KCNIP4: variants seen among roughly 807,000 people sequenced by gnomAD.
The protein encoded by KCNIP4 is potassium voltage-gated channel interacting protein 4.
KCNIP4 carries 12 observed loss-of-function variants against 34.0 expected under a neutral mutation model. That is an observed-to-expected ratio of 0.35 (90% CI 0.23 to 0.57). KCNIP4 has a LOEUF of 0.57. Among genes scored for constraint, KCNIP4 ranks in the 20% least tolerant of loss-of-function variants. KCNIP4 has a pLI of 0.83. For synonymous variants in KCNIP4, 124 were observed against 102.2 expected, an observed-to-expected ratio of 1.21 and a Z score of -1.29; for missense variants, 238 against 311.7, an observed-to-expected ratio of 0.76 and a Z score of 1.78.
At chr4:21,225,761 G>T (rs1205117461) in intron 1 of KCNIP4, among the ~76,000 whole-genome samples, 1 of 152,126 alleles carries the variant, frequency 6.6e-6, no homozygotes, top group African/African-American at 2.4e-5. Context: ...AATGGAGCCA[G>T]ACTGGGGAAA....
chr4:20,890,570 A>G (rs527752221), intron 1 of KCNIP4, among the ~76,000 whole-genome samples: 1 of 152,220 alleles, frequency 6.6e-6, no homozygotes, highest in Admixed American at 6.5e-5. Context: ...TGCTACCTAC[A>G]ATGGGCAGAT....
intron 1 of KCNIP4, among the ~76,000 whole-genome samples, chr4:21,525,494 T>TA (rs922016244): frequency 6.6e-6 from 1 of 152,114 alleles, no homozygotes; most frequent in African/African-American, 2.4e-5. Flanking sequence ...CCAACCCCCA[T>TA]AAAAATATTT....
intron 1 of KCNIP4, among the ~76,000 whole-genome samples, chr4:21,121,920 A>G (rs1386196914): frequency 6.6e-6 from 1 of 152,234 alleles, no homozygotes; most frequent in Non-Finnish European, 1.5e-5. Context: ...GGCAATGGCC[A>G]TCTTTTGAAC....
intron 1 of KCNIP4, among the ~76,000 whole-genome samples, chr4:21,806,463 A>C (rs1578013815): frequency 6.6e-6 from 1 of 152,230 alleles, no homozygotes; most frequent in Non-Finnish European, 1.5e-5. Flanking sequence ...ATTTGTCACC[A>C]AGGCCAGCAA....
intron 1 of KCNIP4, among the ~76,000 whole-genome samples, chr4:21,340,744 G>T (rs546227959): frequency 3.6e-4 from 55 of 152,170 alleles, no homozygotes; most frequent in Non-Finnish European, 5.6e-4. Context: ...CAAGGCTGCA[G>T]TTTAGTGTGA....
chr4:21,592,030 TG>T (rs1304146375), intron 1 of KCNIP4, among the ~76,000 whole-genome samples: 1 of 151,978 alleles, frequency 6.6e-6, no homozygotes, highest in Non-Finnish European at 1.5e-5. Flanking sequence ...GAGACCAAAG[TG>T]ATAGAGGGAT....
At chr4:21,641,508 G>A (rs1381290243) in intron 1 of KCNIP4, among the ~76,000 whole-genome samples, 2 of 152,166 alleles carry the variant, frequency 1.3e-5, no homozygotes, top group African/African-American at 2.4e-5. Flanking sequence ...GGCCAATGAT[G>A]GTTTCTCTGG....
chr4:21,086,507 A>G (rs1300840919), intron 1 of KCNIP4, among the ~76,000 whole-genome samples: 1 of 152,194 alleles, frequency 6.6e-6, no homozygotes, highest in East Asian at 1.9e-4. Flanking sequence ...TATATGATAC[A>G]TAATCACCAC....
intron 1 of KCNIP4, among the ~76,000 whole-genome samples, chr4:21,750,450 A>G (rs1328717813): frequency 6.6e-6 from 1 of 152,158 alleles, no homozygotes; most frequent in East Asian, 1.9e-4. Flanking sequence ...GTTCCCTCAA[A>G]TATGCCTCCG....
intron 3 of KCNIP4, among the ~76,000 whole-genome samples, chr4:20,837,151 G>A (rs772862619): frequency 2.6e-5 from 4 of 152,128 alleles, no homozygotes; most frequent in African/African-American, 7.2e-5. Flanking sequence ...TTTTATGGGA[G>A]TTAGAATATC....
At chr4:21,377,285 T>C (rs947874111) in intron 1 of KCNIP4, among the ~76,000 whole-genome samples, 26 of 152,142 alleles carry the variant, frequency 1.7e-4, no homozygotes, top group African/African-American at 6.0e-4. Context: ...ATTCAAATGG[T>C]CTCTCCTGCC....
In KCNIP4 at chr4:20,854,840, T is replaced by C. The variant is rs575331409; in HGVS notation, c.164-4173A>G. Among the ~76,000 whole-genome samples, 5 of 152,288 alleles carry C rather than the reference T, an allele frequency of 3.3e-5. No individual in the cohort carries two copies. In the East Asian group the frequency reaches 9.6e-4, roughly 29 times the overall value. On this transcript the variant is annotated intron_variant, in intron 2 of 8. Transcript: ENST00000382152. ...CTATTTAGGTCCATTTTGTAGTCAATAGAGTCAATAGGTATAGAGAAGCTT... is the reference window on the plus strand; with the variant it reads ...CTATTTAGGTCCATTTTGTAGTCAACAGAGTCAATAGGTATAGAGAAGCTT...
intron 1 of KCNIP4, among the ~76,000 whole-genome samples, chr4:21,755,463 A>G (rs760498585): frequency 6.6e-6 from 1 of 152,164 alleles, no homozygotes; most frequent in Non-Finnish European, 1.5e-5. Context: ...TCACAAAGGA[A>G]CAGGCAGACT....
At chr4:20,973,241 G>T (rs1735149575) in intron 1 of KCNIP4, among the ~76,000 whole-genome samples, 2 of 152,158 alleles carry the variant, frequency 1.3e-5, no homozygotes, top group African/African-American at 2.4e-5. Flanking sequence ...TAGGTAACTT[G>T]CTGTAGCTAC....
At chr4:21,595,599 T>C (rs1033521701) in intron 1 of KCNIP4, among the ~76,000 whole-genome samples, 1 of 152,062 alleles carries the variant, frequency 6.6e-6, no homozygotes, top group Non-Finnish European at 1.5e-5. Flanking sequence ...TAATTTACAC[T>C]CCTACCAACA....
At chr4:21,620,684 C>G (rs1218367645) in intron 1 of KCNIP4, among the ~76,000 whole-genome samples, 1 of 152,118 alleles carries the variant, frequency 6.6e-6, no homozygotes, top group Non-Finnish European at 1.5e-5. Flanking sequence ...AACAATCAGC[C>G]CTAGCTAAGT....
intron 1 of KCNIP4, among the ~76,000 whole-genome samples, chr4:21,825,047 G>A (rs1032990423): frequency 5.9e-5 from 9 of 152,048 alleles, no homozygotes; most frequent in East Asian, 1.9e-4. Context: ...AATAGAAGAC[G>A]ATGTTTCTGA....
chr4:21,199,751 T>C (rs994589697), intron 1 of KCNIP4, among the ~76,000 whole-genome samples: 7 of 152,172 alleles, frequency 4.6e-5, no homozygotes, highest in African/African-American at 1.4e-4. Flanking sequence ...CATATGTTTA[T>C]TGCAGCACTA....
At chr4:20,979,929 C>A (rs1735909294) in intron 1 of KCNIP4, among the ~76,000 whole-genome samples, 1 of 152,168 alleles carries the variant, frequency 6.6e-6, no homozygotes, top group African/African-American at 2.4e-5. Context: ...AATTCACGGT[C>A]CTAATCCATG....
Sources: gnomAD v4.1 joint callset for allele counts (sites outside exome capture counted in the v4.1 genomes callset) on GRCh38, gnomAD v4.1.1 for gene constraint, MANE v1.5 for transcripts, NCBI Gene and HGNC (gene_info 2026-07-23, HGNC 2026-07-21) for gene names.